Variants in SLCO1A2 observed in about 807,000 individuals in gnomAD.
The protein encoded by SLCO1A2 is solute carrier organic anion transporter family member 1A2, also known as OATP-1.
A neutral mutation model predicts 69.0 loss-of-function variants in SLCO1A2; 67 were observed. The observed-to-expected ratio is 0.97, with a 90% CI of 0.80 to 1.19. SLCO1A2 has a LOEUF of 1.19. SLCO1A2 is among the 50% of genes most tolerant of loss of function. The pLI is 0.00. For missense variants in SLCO1A2, 787 were observed against 793.7 expected, an observed-to-expected ratio of 0.99 and a Z score of 0.10; for synonymous variants, 260 against 265.9, an observed-to-expected ratio of 0.98 and a Z score of 0.22.
chr12:21,302,058 T>A (rs763719287), intron 6 of SLCO1A2, among the ~76,000 whole-genome samples: 21 of 152,122 alleles, frequency 1.4e-4, no homozygotes, highest in Admixed American at 3.3e-4. Context: ...ACCCCTTCTA[T>A]CTTCTCTAAG....
intron 12 of SLCO1A2, among the ~76,000 whole-genome samples, chr12:21,276,975 C>G (rs536471563): frequency 5.2e-4 from 79 of 152,338 alleles, no homozygotes; most frequent in African/African-American, 1.6e-3. Context: ...GTTGCAAGGA[C>G]TACAACTCCT....
intron 12 of SLCO1A2, among the ~76,000 whole-genome samples, chr12:21,276,562 A>AAC (rs1483053487): frequency 6.6e-6 from 1 of 151,584 alleles, no homozygotes; most frequent in African/African-American, 2.4e-5. Context: ...AAACCAAAAA[A>AAC]AACCTTTGTA....
intron 1 of SLCO1A2, chr12:21,417,862 T>G (rs1942012406): frequency 6.6e-6 from 1 of 152,068 alleles, no homozygotes; most frequent in African/African-American, 2.4e-5. Flanking sequence ...CAAATAGAAT[T>G]GTAGAAATGG....
chr12:21,353,753 T>G (rs1351476417), intron 2 of SLCO1A2, among the ~76,000 whole-genome samples: 23 of 152,188 alleles, frequency 1.5e-4, no homozygotes, highest in Non-Finnish European at 2.9e-4. Flanking sequence ...GAAAGGGACA[T>G]TGCTGACAAG....
At chr12:21,303,340 A>G (rs74064516) in intron 6 of SLCO1A2, among the ~76,000 whole-genome samples, 2,153 of 152,274 alleles carry the variant, frequency 0.014, 50 homozygotes, top group African/African-American at 0.049. Flanking sequence ...GAGTGTTTGC[A>G]TTCTTTTAAT....
intron 14 of SLCO1A2, among the ~76,000 whole-genome samples, chr12:21,270,019 T>C (rs1242958201): frequency 7.2e-6 from 1 of 139,376 alleles, no homozygotes; most frequent in Non-Finnish European, 1.5e-5. Flanking sequence ...TTATTGTTGT[T>C]ATAACTAACT....
chr12:21,281,524 AATTAGT>A (rs1944798681), intron 12 of SLCO1A2, among the ~76,000 whole-genome samples: 1 of 152,106 alleles, frequency 6.6e-6, no homozygotes, highest in Non-Finnish European at 1.5e-5. Flanking sequence ...CCAAACACAA[AATTAGT>A]AGAAGAAAAG....
At chr12:21,272,228 A>G (rs1943004690) in intron 14 of SLCO1A2, among the ~76,000 whole-genome samples, 1 of 151,830 alleles carries the variant, frequency 6.6e-6, no homozygotes, top group South Asian at 2.1e-4. Context: ...AGAAATAGAT[A>G]TAGATGTATT....
In SLCO1A2 at chr12:21,300,667, C is replaced by A. The variant is rs562435415; in HGVS notation, c.689-98G>T. ...ATTAGAATTATCGGGTCCCAACCAA[C>A]TATAAAATTGGCTTATAATTCAGAC... On this transcript the variant is annotated intron_variant, in intron 7 of 14. Coordinates refer to ENST00000683939, the MANE Select transcript of SLCO1A2 (RefSeq NM_001386879.1). 8.0e-5 allele frequency: 78 copies of A among 969,420 alleles called. No individual in the cohort carries two copies. The East Asian group carries it at 2.1e-3, about 26-fold the overall frequency. 60.1% of individuals were successfully genotyped at this position (969,420 alleles called of 1,614,324 possible). A position where few individuals can be genotyped will look rare whatever the true frequency, so the allele number is the denominator to read the frequency against.
chr12:21,276,550 AAAAACC>A (rs1290392337), intron 12 of SLCO1A2, among the ~76,000 whole-genome samples: 1 of 151,886 alleles, frequency 6.6e-6, no homozygotes, highest in African/African-American at 2.4e-5. Flanking sequence ...ACATACAAAA[AAAAACC>A]AAAAAAAACC....
chr12:21,371,541 C>A (rs1252147120), intron 2 of SLCO1A2, among the ~76,000 whole-genome samples: 1 of 152,074 alleles, frequency 6.6e-6, no homozygotes, highest in Non-Finnish European at 1.5e-5. Flanking sequence ...TGTTACAAAG[C>A]TTTTAAGAAG....
In SLCO1A2 at chr12:21,334,895, C is replaced by A; in HGVS notation, c.-131G>T. 2.6e-6 allele frequency: 1 copy of A among 387,092 alleles called. No individual in the cohort carries two copies. The allele number at this position is 387,092 out of a possible 1,614,324, so 24.0% of individuals were successfully genotyped here. A position where few individuals can be genotyped will look rare whatever the true frequency, so the allele number is the denominator to read the frequency against. ...AGATTTAGTTGTTGGTTTTCTATTT[C>A]AAAAGGTACATCAAATAACTTTAGT... On this transcript the variant is annotated 5_prime_UTR_variant, in exon 1 of 15. Coordinates refer to ENST00000683939, the MANE Select transcript of SLCO1A2 (RefSeq NM_001386879.1).
At chr12:21,303,754 C>T (rs1949009954) in intron 6 of SLCO1A2, among the ~76,000 whole-genome samples, 1 of 151,966 alleles carries the variant, frequency 6.6e-6, no homozygotes, top group African/African-American at 2.4e-5. Context: ...TTTCAAGAAA[C>T]ATAAACAAAA....
At chr12:21,283,298 T>C (rs762443411) in intron 12 of SLCO1A2, among the ~76,000 whole-genome samples, 7 of 152,082 alleles carry the variant, frequency 4.6e-5, no homozygotes, top group Non-Finnish European at 1.0e-4. Context: ...TTGACAAAGA[T>C]GCCAAGAATG....
Position 21,314,154 on chromosome 12 carries a change from T to C in SLCO1A2, c.335+395A>G, listed in dbSNP as rs568679099. On this transcript the variant is annotated intron_variant, in intron 4 of 14. Transcript: ENST00000683939. The stretch of plus-strand genomic sequence containing the variant: ...TTTTATGACTTTGTACATAGTTACT[T>C]TGGTAAAAATTAAAAGAAAAATCAG... Among the ~76,000 whole-genome samples, 19 of 152,280 alleles carry C rather than the reference T, an allele frequency of 1.2e-4. No individual in the cohort carries two copies. The South Asian group carries it at 2.5e-3, about 20-fold the overall frequency.
intron 4 of SLCO1A2, 67 bp from the exon 5 acceptor site, chr12:21,307,055 G>C: frequency 9.4e-7 from 1 of 1,069,022 alleles, no homozygotes; most frequent in Non-Finnish European, 1.4e-6. Context: ...GCAATGTGCA[G>C]ATTGTTACCT....
intron 2 of SLCO1A2, chr12:21,319,274 C>A: frequency 2.5e-6 from 3 of 1,179,236 alleles, no homozygotes; most frequent in Non-Finnish European, 3.5e-6. Flanking sequence ...CATACATGTA[C>A]TGTAATGAAA....
chr12:21,273,028 CT>C (rs373022844), intron 14 of SLCO1A2, among the ~76,000 whole-genome samples: 4,645 of 152,160 alleles, frequency 0.031, 67 homozygotes, highest in Middle Eastern at 0.051. Flanking sequence ...GGACAAAGGA[CT>C]TTTTTTACTC....
In SLCO1A2 at chr12:21,283,740, C is replaced by G. The variant is rs938079521; in HGVS notation, c.1611-8316G>C. Among the ~76,000 whole-genome samples the G allele has an allele frequency of 2.0e-5, 3 of 151,968 alleles. No individual in the cohort carries two copies. The East Asian group carries it at 5.8e-4, about 29-fold the overall frequency. ...TCTATAGAAAAAAAATCTAATAATC[C>G]AATTAACAAATGAGCAAAATTTGAG... On this transcript the variant is annotated intron_variant, in intron 12 of 14. Coordinates refer to ENST00000683939, the MANE Select transcript of SLCO1A2 (RefSeq NM_001386879.1).
Sources: gnomAD v4.1 joint callset for allele counts (sites outside exome capture counted in the v4.1 genomes callset) on GRCh38, gnomAD v4.1.1 for gene constraint, MANE v1.5 for transcripts, NCBI Gene and HGNC (gene_info 2026-07-23, HGNC 2026-07-21) for gene names.